PALM2AKAP2: variants seen among roughly 807,000 people sequenced by gnomAD.
PALM2AKAP2 encodes the protein PALM2 and AKAP2 fusion.
Under a neutral mutation model 71.5 loss-of-function variants are expected in PALM2AKAP2, and 37 were observed. The observed-to-expected ratio is 0.52, with a 90% CI of 0.40 to 0.68. The LOEUF (loss-of-function observed/expected upper bound fraction) is 0.68. Ranked by LOEUF, PALM2AKAP2 falls within the 30% of genes least tolerant of loss-of-function variation. The pLI is 0.00. For missense variants in PALM2AKAP2, 1,224 were observed against 1,191.8 expected (o/e 1.03, Z -0.40); for synonymous variants, 468 against 478.8 (o/e 0.98, Z 0.29).
At chr9:110,067,708 G>A (rs1350771709) in intron 1 of PALM2AKAP2, among the ~76,000 whole-genome samples, 1 of 152,158 alleles carries the variant, frequency 6.6e-6, no homozygotes, top group Admixed American at 6.5e-5. Context: ...ATATTGCTTT[G>A]TATTTCTGTT....
chr9:109,910,073 C>A (rs1830534769), intron 3 of PALM2AKAP2, among the ~76,000 whole-genome samples: 1 of 152,120 alleles, frequency 6.6e-6, no homozygotes, highest in African/African-American at 2.4e-5. Flanking sequence ...AGAGAAGCAG[C>A]TATGAAAAGA....
intron 1 of PALM2AKAP2, among the ~76,000 whole-genome samples, chr9:110,058,921 G>A (rs1449884239): frequency 2.9e-5 from 2 of 68,424 alleles, no homozygotes; most frequent in Non-Finnish European, 5.4e-5. Context: ...TTTTTTTTGA[G>A]ATGGAGTCTT....
At chr9:109,951,761 C>T (rs576255134) in intron 6 of PALM2AKAP2, among the ~76,000 whole-genome samples, 11 of 152,272 alleles carry the variant, frequency 7.2e-5, no homozygotes, top group African/African-American at 2.6e-4. Flanking sequence ...CCTGGACCGC[C>T]GGTTTGGGTG....
At chr9:110,022,408 C>T (rs1176047650) in intron 7 of PALM2AKAP2, among the ~76,000 whole-genome samples, 1 of 152,138 alleles carries the variant, frequency 6.6e-6, no homozygotes, top group East Asian at 1.9e-4. Flanking sequence ...GCTCCTGGAA[C>T]AAAGACCAAC....
In PALM2AKAP2 at chr9:110,082,189, G is replaced by A. The variant is rs530655973; in HGVS notation, c.156+33334G>A. ...TGCAACCTCTGCCTCCTGGATTTAAGCAGATTACAGTAGTGTGCCACCACA... is the reference window on the plus strand; with the variant it reads ...TGCAACCTCTGCCTCCTGGATTTAAACAGATTACAGTAGTGTGCCACCACA... On this transcript the variant is annotated intron_variant, in intron 1 of 3. Coordinates refer to ENST00000374525, the Ensembl canonical transcript of PALM2AKAP2. Among the ~76,000 whole-genome samples the A allele has an allele frequency of 2.0e-5, 3 of 152,092 alleles. No homozygotes were observed. In the East Asian group the frequency reaches 5.8e-4, roughly 29 times the overall value.
intron 1 of PALM2AKAP2, among the ~76,000 whole-genome samples, chr9:109,666,245 T>C (rs1346167437): frequency 6.6e-6 from 1 of 152,176 alleles, no homozygotes; most frequent in East Asian, 1.9e-4. Flanking sequence ...CAGTTGGAAA[T>C]GCAGAAATCA....
At chr9:109,938,926 G>C (rs1831292753) in intron 6 of PALM2AKAP2, among the ~76,000 whole-genome samples, 1 of 152,270 alleles carries the variant, frequency 6.6e-6, no homozygotes, top group Admixed American at 6.5e-5. Flanking sequence ...CTACTTGGGA[G>C]GCTGAGGCAG....
chr9:109,795,562 A>G (rs1052058277), intron 1 of PALM2AKAP2, among the ~76,000 whole-genome samples: 4 of 152,214 alleles, frequency 2.6e-5, no homozygotes, highest in African/African-American at 9.7e-5. Context: ...TAACTGATAG[A>G]AAGTGTCCAT....
chr9:110,066,319 C>G (rs1409478706), intron 1 of PALM2AKAP2, among the ~76,000 whole-genome samples: 1 of 152,122 alleles, frequency 6.6e-6, no homozygotes, highest in African/African-American at 2.4e-5. Flanking sequence ...AATTATTGAA[C>G]CTTTGTAAGC....
rs1213720958 is a variant in PALM2AKAP2, at chr9:109,981,639, T to TTTG, written c.497-34303_497-34301dup. Among the ~76,000 whole-genome samples, 6 of 152,234 alleles carry TTTG rather than the reference T, an allele frequency of 3.9e-5. No individual in the cohort carries two copies. In the East Asian group the frequency reaches 9.6e-4, roughly 24 times the overall value. ...GACAGTGCTGAGAGGGAGGTTTTGT[T>TTTG]TTGTTGTTGTTGTTTTGTTTTTGTT... On this transcript the variant is annotated intron_variant, in intron 6 of 9. Coordinates refer to the PALM2AKAP2 transcript ENST00000302798.
At chr9:109,668,896 A>G (rs1488643450) in intron 1 of PALM2AKAP2, among the ~76,000 whole-genome samples, 1 of 152,256 alleles carries the variant, frequency 6.6e-6, no homozygotes, top group Non-Finnish European at 1.5e-5. Context: ...ACTAAGGTGC[A>G]GATTCCATGT....
intron 1 of PALM2AKAP2, among the ~76,000 whole-genome samples, chr9:109,717,539 G>A (rs1322826866): frequency 6.6e-6 from 1 of 152,184 alleles, no homozygotes; most frequent in Non-Finnish European, 1.5e-5. Flanking sequence ...ATTGAAACAG[G>A]AAAGTACAGG....
intron 1 of PALM2AKAP2, among the ~76,000 whole-genome samples, chr9:109,809,713 G>A (rs898765259): frequency 6.6e-6 from 1 of 152,146 alleles, no homozygotes; most frequent in African/African-American, 2.4e-5. Context: ...GGACTGATAT[G>A]GTTTGGCTGT....
At chr9:109,867,644 C>T in intron 2 of PALM2AKAP2, 73 bp downstream of exon 2, 2 of 1,504,756 alleles carry the variant, frequency 1.3e-6, no homozygotes, top group Non-Finnish European at 1.8e-6. Flanking sequence ...TGGGCAGTGC[C>T]TGCCCTGCCG....
Position 109,873,415 on chromosome 9 carries a change from G to A in PALM2AKAP2, c.126+5844G>A, listed in dbSNP as rs191364396. 4.0e-3 allele frequency among the ~76,000 whole-genome samples: 611 copies of A among 151,354 alleles called. 4 individuals are homozygous for A. The highest frequency in any genetic ancestry group is 6.7e-3 in the Non-Finnish European group (455 of 67,932). ...CACACCACTACACTCCAGCCTGAGT[G>A]ACACAGTGAGACTCCATCTCAAATT... On this transcript the variant is annotated intron_variant, in intron 2 of 9. Transcript: ENST00000302798.
intron 1 of PALM2AKAP2, among the ~76,000 whole-genome samples, chr9:110,062,804 T>C (rs1833991325): frequency 6.6e-6 from 1 of 152,240 alleles, no homozygotes; most frequent in African/African-American, 2.4e-5. Context: ...CAAACTCATT[T>C]AGCCAAAGGG....
intron 1 of PALM2AKAP2, among the ~76,000 whole-genome samples, chr9:109,760,852 G>A (rs1385450410): frequency 6.6e-6 from 1 of 152,030 alleles, no homozygotes; most frequent in East Asian, 1.9e-4. Context: ...TTTTTCAACT[G>A]TTGCATTTTT....
chr9:110,032,062 A>G (rs1193688473), intron 7 of PALM2AKAP2, among the ~76,000 whole-genome samples: 3 of 124,876 alleles, frequency 2.4e-5, no homozygotes, highest in African/African-American at 5.7e-5. Context: ...CTTACGGGGA[A>G]AAAAAAAAAA....
chr9:109,996,081 C>A (rs1040125933), intron 6 of PALM2AKAP2, among the ~76,000 whole-genome samples: 1 of 152,192 alleles, frequency 6.6e-6, no homozygotes, highest in Non-Finnish European at 1.5e-5. Flanking sequence ...CTAAATATGT[C>A]CCTGTCACCA....
Sources: allele counts gnomAD v4.1 joint callset (sites outside exome capture counted in the v4.1 genomes callset), GRCh38; gene constraint gnomAD v4.1.1; transcripts MANE v1.5; gene names NCBI Gene and HGNC (gene_info 2026-07-23, HGNC 2026-07-21).